C11orf54: variants seen among roughly 807,000 people sequenced by gnomAD.
C11orf54 encodes the protein beta-keto L-gulonate decarboxylase.
In C11orf54, 29 loss-of-function variants were observed where a neutral mutation model predicts 35.5. That is an observed-to-expected ratio of 0.82 (90% CI 0.61 to 1.11). C11orf54 has a LOEUF of 1.11. Ranked by LOEUF, C11orf54 falls within the 50% of genes most tolerant of loss-of-function variation. C11orf54 has a pLI of 0.00. For synonymous variants in C11orf54, 108 were observed against 121.1 expected (o/e 0.89, Z 0.71); for missense variants, 373 against 369.2 (o/e 1.01, Z -0.08).
Position 93,762,737 on chromosome 11 carries a change from G to T in C11orf54, c.*1049G>T, listed in dbSNP as rs1391132214. Reference sequence around the variant, plus strand: ...TCACTGGTTATTTGCAAGAGAAGGGGTAAAAAAACAGCATCAGAGTGCAAC... The same window carrying T: ...TCACTGGTTATTTGCAAGAGAAGGGTTAAAAAAACAGCATCAGAGTGCAAC... On this transcript the variant is annotated 3_prime_UTR_variant, in exon 9 of 9. Coordinates refer to ENST00000354421, the MANE Select transcript of C11orf54 (RefSeq NM_001286069.2). The T allele has an allele frequency of 6.6e-6, 1 of 151,296 alleles. No individual in the cohort carries two copies. Among genetic ancestry groups the T allele is most frequent in the Non-Finnish European group, 1.5e-5 (1 of 68,040 alleles). The allele number at this position is 151,296 out of a possible 1,614,324, so 9.4% of individuals were successfully genotyped here. A position where few individuals can be genotyped will look rare whatever the true frequency, so the allele number is the denominator to read the frequency against.
intron 2 of C11orf54, among the ~76,000 whole-genome samples, chr11:93,749,143 CAAAA>C (rs879164036): frequency 5.5e-5 from 3 of 54,184 alleles, no homozygotes; most frequent in East Asian, 5.9e-4. Flanking sequence ...GACTCCATCT[CAAAA>C]AAAAAAAAAA....
Position 93,750,336 on chromosome 11 carries a change from T to A in C11orf54, c.56-10T>A. On this transcript the variant is annotated splice_polypyrimidine_tract_variant and intron_variant, in intron 2 of 8. Coordinates refer to ENST00000354421, the MANE Select transcript of C11orf54 (RefSeq NM_001286069.2). ...TAATGTTAAATAATCTTATTCCTTG[T>A]CTTTATTAGTTATGCAGAAGGGGTT... is the stretch of plus-strand genomic sequence containing the variant. 6.2e-7 allele frequency: 1 copy of A among 1,608,846 alleles called. No homozygotes were observed. The highest frequency in any genetic ancestry group is 1.7e-4 in the Middle Eastern group (1 of 6,048).
chr11:93,757,123 T>C (rs1414581964), intron 6 of C11orf54, among the ~76,000 whole-genome samples, 193 bp from the exon 7 acceptor site: 1 of 152,054 alleles, frequency 6.6e-6, no homozygotes, highest in Non-Finnish European at 1.5e-5. Context: ...AACTGATAAG[T>C]ATGTGTGTGT....
At chr11:93,759,998 G>C (rs925288076) in intron 8 of C11orf54, 140 bp downstream of exon 8, 21 of 534,936 alleles carry the variant, frequency 3.9e-5, no homozygotes, top group Middle Eastern at 4.6e-4. Context: ...CCAGGCTAGA[G>C]TGCAATGGCA....
At chr11:93,751,399 G>GTTTTTTTTTTTTTTTTTTTTTTTT (rs71064778) in intron 3 of C11orf54, among the ~76,000 whole-genome samples, 1 of 74,708 alleles carries the variant, frequency 1.3e-5, no homozygotes, top group Non-Finnish European at 2.5e-5. Flanking sequence ...CTTTTTTATA[G>GTTTTTTTTTTTTTTTTTTTTTTTT]TTTTTTTTTT....
chr11:93,751,158 A>G lies in C11orf54; in HGVS notation c.154+714A>G, dbSNP rs1200053670. ...CTCAAAGTGTTCTTTTTATTATGTA[A>G]TTAACATCTTTGCTAAAAAGGAGTT... On this transcript the variant is annotated intron_variant, in intron 3 of 8. Transcript: ENST00000354421. 2.0e-5 allele frequency among the ~76,000 whole-genome samples: 3 copies of G among 152,278 alleles called. No individual in the cohort carries two copies. In the East Asian group the frequency reaches 5.8e-4, roughly 29 times the overall value.
In C11orf54 at chr11:93,747,315, T is replaced by C; in HGVS notation, c.-79T>C. 9.1e-7 allele frequency: 1 copy of C among 1,104,758 alleles called. No individual in the cohort carries two copies. Among genetic ancestry groups the C allele is most frequent in the Admixed American group, 2.5e-5 (1 of 39,388 alleles). 68.4% of individuals were successfully genotyped at this position (1,104,758 alleles called of 1,614,324 possible). On this transcript the variant is annotated 5_prime_UTR_variant, in exon 2 of 9. Coordinates refer to ENST00000354421, the MANE Select transcript of C11orf54 (RefSeq NM_001286069.2). ...TTTCCAGAACAGAAACTGTTCATAC[T>C]TGGTGCGCTGTGGACTCTTGTGATA...
chr11:93,750,518 C>T, intron 3 of C11orf54, 74 bp downstream of exon 3: 1 of 1,158,506 alleles, frequency 8.6e-7, no homozygotes, highest in Non-Finnish European at 1.3e-6. Flanking sequence ...TTTTTAAGGA[C>T]ATCTTAAATT....
intron 8 of C11orf54, among the ~76,000 whole-genome samples, chr11:93,761,069 G>A (rs1364253782): frequency 3.3e-5 from 5 of 152,110 alleles, no homozygotes; most frequent in Non-Finnish European, 2.9e-5. Flanking sequence ...TGTTGTAGTA[G>A]CAAAAGAATT....
chr11:93,755,229 C>T lies in C11orf54; in HGVS notation c.350C>T (p.Thr117Ile). The T allele has an allele frequency of 6.2e-7, 1 of 1,613,980 alleles. No individual in the cohort carries two copies. The highest frequency in any genetic ancestry group is 1.1e-5 in the South Asian group (1 of 91,064). The change falls in exon 6 of 9, where the codon ACA becomes ATA. Residue 117 changes from threonine to isoleucine, a missense_variant. By Grantham distance (89) the Thr-to-Ile change is moderately conservative. Transcript: ENST00000354421. ...FNSEFMPVIQTESEHKPPVNG... is the reference protein window; with the variant it reads ...FNSEFMPVIQIESEHKPPVNG... ...TTTCAGTTTATGCCAGTTATTCAGACAGAAAGTGAACACAAGCCTCCTGTA... is the reference window on the plus strand; with the variant it reads ...TTTCAGTTTATGCCAGTTATTCAGATAGAAAGTGAACACAAGCCTCCTGTA...
intron 1 of C11orf54, chr11:93,746,231 T>C (rs891259475): frequency 1.3e-5 from 2 of 152,224 alleles, no homozygotes; most frequent in African/African-American, 4.8e-5. Context: ...TTCAAATGGC[T>C]GAAGATCACC....
At chr11:93,755,062 G>T in intron 5 of C11orf54, 148 bp from the exon 6 acceptor site, 1 of 879,774 alleles carries the variant, frequency 1.1e-6, no homozygotes, top group Non-Finnish European at 1.6e-6. Context: ...AGTTTTTTAT[G>T]TCTAAAATTA....
intron 1 of C11orf54, among the ~76,000 whole-genome samples, chr11:93,743,603 G>T (rs1206938171): frequency 6.6e-6 from 1 of 152,194 alleles, no homozygotes; most frequent in Non-Finnish European, 1.5e-5. Context: ...TTTGGTCGCC[G>T]GTAGGAGCGA....
At chr11:93,744,131 T>A (rs1332213534) in intron 1 of C11orf54, among the ~76,000 whole-genome samples, 1 of 152,234 alleles carries the variant, frequency 6.6e-6, no homozygotes. Context: ...TCATTTGATT[T>A]TTTTGTCTAA....
intron 2 of C11orf54, 121 bp downstream of exon 2, chr11:93,747,569 TAA>T (rs2135587211): frequency 1.1e-4 from 64 of 564,016 alleles, no homozygotes; most frequent in Non-Finnish European, 1.5e-4. Flanking sequence ...CTTATCAAAA[TAA>T]TACTTTTGGT....
chr11:93,759,106 C>T (rs1943319783), intron 7 of C11orf54, among the ~76,000 whole-genome samples: 1 of 152,214 alleles, frequency 6.6e-6, no homozygotes, highest in South Asian at 2.1e-4. Flanking sequence ...TGTGGTGATT[C>T]CTCAAGGATC....
Position 93,747,379 on chromosome 11 carries a change from T to A in C11orf54, c.-15T>A. On this transcript the variant is annotated 5_prime_UTR_variant, in exon 2 of 9. Coordinates refer to ENST00000354421, the MANE Select transcript of C11orf54 (RefSeq NM_001286069.2). ...AGCTCTATTTGTCCAACCTCACACCTAAAGAAGAAAGAAAATGGCTTGTGC... is the reference window on the plus strand; with the variant it reads ...AGCTCTATTTGTCCAACCTCACACCAAAAGAAGAAAGAAAATGGCTTGTGC... 6 of 1,583,370 alleles carry A rather than the reference T, an allele frequency of 3.8e-6. No individual in the cohort carries two copies. Among genetic ancestry groups the A allele is most frequent in the Non-Finnish European group, 5.1e-6 (6 of 1,167,444 alleles).
intron 2 of C11orf54, among the ~76,000 whole-genome samples, 187 bp from the exon 3 acceptor site, chr11:93,750,159 T>C (rs1187322532): frequency 2.6e-5 from 4 of 152,248 alleles, no homozygotes; most frequent in African/African-American, 9.6e-5. Flanking sequence ...TTTATATATC[T>C]TAGTCTACGT....
chr11:93,751,109 T>G (rs2135606724), intron 3 of C11orf54, among the ~76,000 whole-genome samples: 1 of 152,310 alleles, frequency 6.6e-6, no homozygotes, highest in African/African-American at 2.4e-5. Context: ...TACCCTATTA[T>G]GATGAGGAAT....
Sources: allele counts gnomAD v4.1 joint callset (sites outside exome capture counted in the v4.1 genomes callset), GRCh38; gene constraint gnomAD v4.1.1; transcripts MANE v1.5; gene names NCBI Gene and HGNC (gene_info 2026-07-23, HGNC 2026-07-21).